Variants in SLC9A7 observed in about 807,000 individuals in gnomAD.
The protein encoded by SLC9A7 is sodium/hydrogen exchanger 7.
Under a neutral mutation model 52.6 loss-of-function variants are expected in SLC9A7, and 19 were observed. The observed-to-expected ratio is 0.36, with a 90% CI of 0.25 to 0.53. The LOEUF is 0.53. Among genes scored for constraint, SLC9A7 ranks in the 20% least tolerant of loss-of-function variants. SLC9A7 has a pLI of 0.91. For missense variants in SLC9A7, 455 were observed against 597.9 expected (o/e 0.76, Z 2.49); for synonymous variants, 226 against 252.1 (o/e 0.90, Z 0.98).
intron 14 of SLC9A7, among the ~76,000 whole-genome samples, chrX:46,630,040 A>G (rs1943197086): frequency 1.8e-5 from 2 of 111,790 alleles, no homozygotes; most frequent in Non-Finnish European, 3.8e-5. Context: ...CAAATCTCCA[A>G]TGAAGCTTAT....
At chrX:46,620,000 T>G (rs1943017658) in intron 15 of SLC9A7, among the ~76,000 whole-genome samples, 1 of 112,260 alleles carries the variant, frequency 8.9e-6, no homozygotes, top group African/African-American at 3.2e-5. Context: ...GATAATTTAC[T>G]GAGCACTTAT....
rs748259550 is a variant in SLC9A7 at position 46,731,432 on chromosome X, T to TATATAAAAAAAAAAAAAAAAAAA, written c.325+27272_325+27273insTTTTTTTTTTTTTTTTTTTATAT. On this transcript the variant is annotated intron_variant, in intron 1 of 16. Transcript: ENST00000616978. ...CATAGCCATACTCCATATAAAAAATTAAAAAAAATTAAAATTAAAATTAGC... is the reference window on the plus strand; with the variant it reads ...CATAGCCATACTCCATATAAAAAATTATATAAAAAAAAAAAAAAAAAAAAAAAAAAATTAAAATTAAAATTAGC... Among the ~76,000 whole-genome samples the TATATAAAAAAAAAAAAAAAAAAA allele has an allele frequency of 2.6e-5, 2 of 78,275 alleles. 1 individual carries two copies. The highest frequency in any genetic ancestry group is 5.3e-5 in the Non-Finnish European group (2 of 37,748). 68.0% of individuals were successfully genotyped at this position (78,275 alleles called of 115,157 possible).
intron 1 of SLC9A7, among the ~76,000 whole-genome samples, chrX:46,726,742 G>T (rs1322816436): frequency 9.0e-6 from 1 of 111,316 alleles, no homozygotes; most frequent in African/African-American, 3.3e-5. Context: ...ATCAGGGACC[G>T]CAGCTTCATC....
At chrX:46,665,020 T>C (rs757816024) in intron 5 of SLC9A7, among the ~76,000 whole-genome samples, 1 of 111,465 alleles carries the variant, frequency 9.0e-6, no homozygotes, top group East Asian at 2.8e-4. Flanking sequence ...TCAGGAACCG[T>C]TCTGTGCCCC....
chrX:46,748,919 G>A (rs993043057), intron 1 of SLC9A7, among the ~76,000 whole-genome samples: 3 of 109,982 alleles, frequency 2.7e-5, no homozygotes, highest in African/African-American at 9.9e-5. Flanking sequence ...AAATTATACA[G>A]TTAAAAATGG....
chrX:46,732,463 G>T (rs756928983), intron 1 of SLC9A7, among the ~76,000 whole-genome samples: 1 of 109,799 alleles, frequency 9.1e-6, no homozygotes, highest in South Asian at 4.0e-4. Flanking sequence ...TGAGGCAAGA[G>T]AATCGCTTGA....
At chrX:46,670,896 T>C (rs374276887) in intron 4 of SLC9A7, among the ~76,000 whole-genome samples, 2 of 111,765 alleles carry the variant, frequency 1.8e-5, no homozygotes, top group Non-Finnish European at 1.9e-5. Flanking sequence ...GAACAAGACC[T>C]TCCTCTCCAT....
intron 15 of SLC9A7, among the ~76,000 whole-genome samples, 173 bp downstream of exon 15, chrX:46,620,804 T>G (rs1943033550): frequency 8.9e-6 from 1 of 112,378 alleles, no homozygotes; most frequent in African/African-American, 3.2e-5. Context: ...AGAGAGATAC[T>G]CACCAGGACT....
intron 1 of SLC9A7, among the ~76,000 whole-genome samples, chrX:46,744,627 G>A (rs1239102751): frequency 8.9e-6 from 1 of 112,055 alleles, no homozygotes; most frequent in African/African-American, 3.2e-5. Flanking sequence ...AAGAGCCTAT[G>A]ATACAATTTG....
chrX:46,664,183 AAC>A (rs1480515719), intron 5 of SLC9A7, among the ~76,000 whole-genome samples: 1 of 110,425 alleles, frequency 9.1e-6, no homozygotes, highest in Non-Finnish European at 1.9e-5. Flanking sequence ...CAACTGCAAA[AAC>A]TAAAAACCCA....
Position 46,653,694 on chromosome X carries a change from C to T in SLC9A7, c.1062G>A (p.Leu354=). Residue 354 remains leucine, a synonymous_variant, in exon 8 of 17, where the codon CTG becomes CTA. Coordinates refer to ENST00000616978, the MANE Select transcript of SLC9A7 (RefSeq NM_001257291.2). ...VTALVTKFTK[L]HCFPLLETAL... Reference sequence around the variant, plus strand: ...CCGTCTCCAGCAGGGGGAAGCAGTGCAGTTTGGTAAACTTAGTCACGTTGG... The same window carrying T: ...CCGTCTCCAGCAGGGGGAAGCAGTGTAGTTTGGTAAACTTAGTCACGTTGG... The T allele has an allele frequency of 8.3e-7, 1 of 1,209,854 alleles. No individual in the cohort carries two copies. Among genetic ancestry groups the T allele is most frequent in the Non-Finnish European group, 1.1e-6 (1 of 893,994 alleles).
At chrX:46,730,831 G>C (rs1226150395) in intron 1 of SLC9A7, among the ~76,000 whole-genome samples, 2 of 103,257 alleles carry the variant, frequency 1.9e-5, no homozygotes, top group Admixed American at 1.1e-4. Context: ...AACACAAAAG[G>C]CTTTAACCAA....
intron 1 of SLC9A7, among the ~76,000 whole-genome samples, chrX:46,728,066 C>T (rs991878360): frequency 4.5e-5 from 5 of 111,348 alleles, no homozygotes; most frequent in African/African-American, 6.5e-5. Context: ...ACTGTGAGAG[C>T]GGTTAATTTG....
intron 1 of SLC9A7, among the ~76,000 whole-genome samples, chrX:46,686,199 T>C (rs1356895544): frequency 8.9e-6 from 1 of 111,866 alleles, no homozygotes; most frequent in African/African-American, 3.3e-5. Flanking sequence ...ATATTAAAGA[T>C]GGAAGGGAGA....
At chrX:46,620,547 G>A (rs1449663496) in intron 15 of SLC9A7, among the ~76,000 whole-genome samples, 2 of 112,282 alleles carry the variant, frequency 1.8e-5, no homozygotes, top group African/African-American at 6.5e-5. Context: ...ATGTGGCCCA[G>A]TTATGCCAGT....
chrX:46,716,547 A>T (rs1355245858), intron 1 of SLC9A7, among the ~76,000 whole-genome samples: 1 of 111,384 alleles, frequency 9.0e-6, no homozygotes, highest in East Asian at 2.8e-4. Flanking sequence ...TCCTTGCCCA[A>T]GTCTGTTCTC....
intron 1 of SLC9A7, among the ~76,000 whole-genome samples, chrX:46,706,826 C>T (rs1013700359): frequency 2.7e-5 from 3 of 111,521 alleles, no homozygotes; most frequent in Non-Finnish European, 3.8e-5. Flanking sequence ...CCACCACCTC[C>T]GCCTCCCAGG....
intron 1 of SLC9A7, among the ~76,000 whole-genome samples, chrX:46,732,695 CA>C (rs1415985576): frequency 8.9e-6 from 1 of 112,006 alleles, no homozygotes; most frequent in African/African-American, 3.2e-5. Flanking sequence ...TCTAAAATTG[CA>C]AATGCATATA....
chrX:46,682,273 C>A, intron 2 of SLC9A7, 63 bp downstream of exon 2: 1 of 1,054,745 alleles, frequency 9.5e-7, no homozygotes, highest in South Asian at 1.9e-5. Context: ...TCCACAAGGT[C>A]AAGACAAGTC....
Sources: gnomAD v4.1 joint callset for allele counts (sites outside exome capture counted in the v4.1 genomes callset) on GRCh38, gnomAD v4.1.1 for gene constraint, MANE v1.5 for transcripts, NCBI Gene and HGNC (gene_info 2026-07-23, HGNC 2026-07-21) for gene names.